DCC: variants seen among roughly 807,000 people sequenced by gnomAD.
DCC encodes the protein netrin receptor DCC.
In DCC, 58 loss-of-function variants were observed where a neutral mutation model predicts 172.5. That is an observed-to-expected ratio of 0.34 (90% CI 0.27 to 0.42). DCC has a LOEUF of 0.42. Among genes scored for constraint, DCC ranks in the 10% least tolerant of loss-of-function variants. The probability of loss-of-function intolerance (pLI) is 1.00; values close to 1 mark genes in which losing one functional copy is unlikely to be tolerated. For missense variants in DCC, 1,740 were observed against 1,791.0 expected (o/e 0.97, Z 0.51); for synonymous variants, 709 against 644.5 (o/e 1.10, Z -1.52).
chr18:53,431,501 T>TA (rs1013548554), intron 21 of DCC, among the ~76,000 whole-genome samples: 2 of 151,218 alleles, frequency 1.3e-5, no homozygotes, highest in African/African-American at 4.9e-5. Context: ...TGTTGTTTTT[T>TA]TACTGAGCCA....
At chr18:53,111,445 T>TA (rs34772861) in intron 7 of DCC, among the ~76,000 whole-genome samples, 88 of 140,782 alleles carry the variant, frequency 6.3e-4, no homozygotes, top group East Asian at 1.8e-3. Context: ...AAAGAAAGAT[T>TA]AAAAAAAAAA....
intron 23 of DCC, among the ~76,000 whole-genome samples, chr18:53,451,699 A>G (rs921239104): frequency 2.1e-5 from 3 of 142,178 alleles, no homozygotes; most frequent in African/African-American, 8.0e-5. Context: ...TGTTGCTAAT[A>G]GCTCGCTCTT....
intron 1 of DCC, among the ~76,000 whole-genome samples, chr18:52,593,071 G>C (rs552167921): frequency 5.3e-5 from 8 of 152,214 alleles, no homozygotes; most frequent in South Asian, 2.1e-4. Flanking sequence ...CAACAAACAG[G>C]CTTATTCAAT....
intron 7 of DCC, among the ~76,000 whole-genome samples, chr18:53,070,145 A>G (rs1313181472): frequency 6.6e-6 from 1 of 151,944 alleles, no homozygotes; most frequent in Non-Finnish European, 1.5e-5. Context: ...AAGCCCAGCT[A>G]ATTTTATTTG....
intron 2 of DCC, among the ~76,000 whole-genome samples, chr18:52,796,617 T>G (rs553810217): frequency 2.6e-5 from 4 of 152,298 alleles, no homozygotes; most frequent in African/African-American, 9.6e-5. Context: ...GGTACTTGTT[T>G]TATAAAGCAT....
At chr18:52,935,039 A>G (rs2040361553) in intron 5 of DCC, 1 of 152,196 alleles carries the variant, frequency 6.6e-6, no homozygotes, top group South Asian at 2.1e-4. Context: ...GTTACAGAAC[A>G]ATCACTAAAA....
At chr18:53,026,593 T>A (rs1361692205) in intron 5 of DCC, among the ~76,000 whole-genome samples, 1 of 152,156 alleles carries the variant, frequency 6.6e-6, no homozygotes, top group Non-Finnish European at 1.5e-5. Context: ...TATCTCTCTG[T>A]CACCTAGGTT....
At chr18:52,752,754 G>A (rs571773299) in intron 2 of DCC, among the ~76,000 whole-genome samples, 3 of 151,950 alleles carry the variant, frequency 2.0e-5, no homozygotes, top group East Asian at 3.9e-4. Flanking sequence ...TCCTTACCAC[G>A]CCCCATCTTC....
chr18:53,529,459 A>T (rs2046501879), intron 28 of DCC, among the ~76,000 whole-genome samples: 1 of 152,224 alleles, frequency 6.6e-6, no homozygotes, highest in South Asian at 2.1e-4. Flanking sequence ...AATAATAAGT[A>T]GAACATCTGT....
At chr18:52,444,486 G>A (rs1328636503) in intron 1 of DCC, among the ~76,000 whole-genome samples, 1 of 152,022 alleles carries the variant, frequency 6.6e-6, no homozygotes, top group Non-Finnish European at 1.5e-5. Flanking sequence ...TTTCTCAGCT[G>A]GTTTAATGAG....
At chr18:53,177,477 A>G (rs952961063) in intron 8 of DCC, among the ~76,000 whole-genome samples, 2 of 152,242 alleles carry the variant, frequency 1.3e-5, no homozygotes, top group African/African-American at 4.8e-5. Flanking sequence ...AATAAGCCCT[A>G]AAATATATAA....
chr18:52,602,499 C>T lies in DCC; in HGVS notation c.92-149555C>T, dbSNP rs961040543. 4.6e-5 allele frequency among the ~76,000 whole-genome samples: 7 copies of T among 151,780 alleles called. No homozygotes were observed. In the East Asian group the frequency reaches 1.2e-3, roughly 25 times the overall value. On this transcript the variant is annotated intron_variant, in intron 1 of 28. Coordinates refer to ENST00000442544, the MANE Select transcript of DCC (RefSeq NM_005215.4). Reference sequence around the variant, plus strand: ...TTATGCCAGCAGGGGATCAGTGACACCTGGTTCAGTATACACATTCTACCC... The same window carrying T: ...TTATGCCAGCAGGGGATCAGTGACATCTGGTTCAGTATACACATTCTACCC...
intron 1 of DCC, among the ~76,000 whole-genome samples, chr18:52,587,209 C>T (rs572311788): frequency 1.1e-4 from 16 of 152,184 alleles, no homozygotes; most frequent in African/African-American, 3.9e-4. Context: ...GTCTCTGCTG[C>T]TGGCAAACTG....
chr18:53,202,502 G>GA (rs965872114), intron 9 of DCC, among the ~76,000 whole-genome samples: 33 of 151,930 alleles, frequency 2.2e-4, no homozygotes, highest in African/African-American at 6.5e-4. Context: ...GCTGGAATAG[G>GA]AAAAAAAATC....
intron 9 of DCC, among the ~76,000 whole-genome samples, chr18:53,190,921 G>C (rs1424646530): frequency 6.6e-6 from 1 of 152,166 alleles, no homozygotes; most frequent in African/African-American, 2.4e-5. Flanking sequence ...ACTCTTGCCT[G>C]GGAGACAGAG....
chr18:53,187,569 A>AC (rs1480072966), intron 9 of DCC, among the ~76,000 whole-genome samples: 1 of 152,146 alleles, frequency 6.6e-6, no homozygotes, highest in Non-Finnish European at 1.5e-5. Context: ...ATCTGATCTA[A>AC]CACTCCACCA....
intron 12 of DCC, among the ~76,000 whole-genome samples, chr18:53,296,721 C>T (rs2057072397): frequency 6.6e-6 from 1 of 152,126 alleles, no homozygotes; most frequent in Non-Finnish European, 1.5e-5. Flanking sequence ...TTAATGAAAA[C>T]CCTCAGGGCC....
At position 53,175,748 on chromosome 18, in the gene DCC, C is replaced by T. The variant is rs563285701; in HGVS notation, c.1419-3214C>T. 7.1e-3 allele frequency among the ~76,000 whole-genome samples: 1,075 copies of T among 152,166 alleles called. 10 individuals carry two copies. The highest frequency in any genetic ancestry group is 9.1e-3 in the Non-Finnish European group (620 of 67,996). ...AATCAATATCGTGAAAATGGCCATA[C>T]TGCCCAAGGTAATTTACAGATTCAA... On this transcript the variant is annotated intron_variant, in intron 8 of 28. Transcript: ENST00000442544.
chr18:53,059,831 G>GT (rs2042468973), intron 5 of DCC, among the ~76,000 whole-genome samples: 2 of 152,056 alleles, frequency 1.3e-5, no homozygotes, highest in South Asian at 4.1e-4. Flanking sequence ...TGTTGCTTGA[G>GT]TTTTTTATTG....
Sources: allele counts gnomAD v4.1 joint callset (sites outside exome capture counted in the v4.1 genomes callset), GRCh38; gene constraint gnomAD v4.1.1; transcripts MANE v1.5; gene names NCBI Gene and HGNC (gene_info 2026-07-23, HGNC 2026-07-21).